NCOA7: variants seen among roughly 807,000 people sequenced by gnomAD.
The protein encoded by NCOA7 is nuclear receptor coactivator 7.
NCOA7 carries 45 observed loss-of-function variants against 104.3 expected under a neutral mutation model. The observed-to-expected ratio is 0.43, with a 90% CI of 0.34 to 0.55. NCOA7 has a LOEUF of 0.55. Ranked by LOEUF, NCOA7 falls within the 20% of genes least tolerant of loss-of-function variation. The pLI is 0.02. For synonymous variants in NCOA7, 398 were observed against 402.3 expected, an observed-to-expected ratio of 0.99 and a Z score of 0.13; for missense variants, 1,041 against 1,119.7, an observed-to-expected ratio of 0.93 and a Z score of 1.00.
At chr6:125,848,538 A>G (rs1780829355) in intron 2 of NCOA7, among the ~76,000 whole-genome samples, 1 of 152,158 alleles carries the variant, frequency 6.6e-6, no homozygotes, top group Non-Finnish European at 1.5e-5. Context: ...TTCTCAGCAA[A>G]CTATCACAAG....
intron 2 of NCOA7, among the ~76,000 whole-genome samples, chr6:125,832,291 T>C (rs190996080): frequency 9.9e-4 from 151 of 152,324 alleles, no homozygotes; most frequent in African/African-American, 3.5e-3. Context: ...GTGATGGCTA[T>C]AATAATTTTT....
At chr6:125,883,713 C>CTTTTTTTTTT (rs35489978) in intron 7 of NCOA7, among the ~76,000 whole-genome samples, 2 of 85,932 alleles carry the variant, frequency 2.3e-5, no homozygotes, top group Admixed American at 1.5e-4. Flanking sequence ...ACCTACACCT[C>CTTTTTTTTTT]TTTTTTTTTT....
chr6:125,853,570 G>C (rs1781304258), intron 2 of NCOA7, among the ~76,000 whole-genome samples: 1 of 152,070 alleles, frequency 6.6e-6, no homozygotes, highest in Non-Finnish European at 1.5e-5. Context: ...CTAAGAACCT[G>C]GCTGCTCAGT....
chr6:125,899,920 G>T, intron 10 of NCOA7: 1 of 522,328 alleles, frequency 1.9e-6, no homozygotes, highest in South Asian at 1.4e-5. Context: ...GCTTTCTGGT[G>T]GCGGAGCAAG....
At chr6:125,809,796 T>A (rs1451928932) in intron 1 of NCOA7, among the ~76,000 whole-genome samples, 1 of 152,094 alleles carries the variant, frequency 6.6e-6, no homozygotes, top group Non-Finnish European at 1.5e-5. Flanking sequence ...TTAAGAAACA[T>A]GTTGTTGGGA....
At position 125,914,241 on chromosome 6, in the gene NCOA7, G is replaced by C. The variant is rs11757529; in HGVS notation, c.2097-1092G>C. ...AGCATAGGAATACAGGCTAATTATG[G>C]TTTATTAACTTCATGAAATGTAGCT... is the stretch of plus-strand genomic sequence containing the variant. On this transcript the variant is annotated intron_variant, in intron 10 of 15. Transcript: ENST00000392477. 4.3e-3 allele frequency among the ~76,000 whole-genome samples: 648 copies of C among 152,324 alleles called. 1 individual carries two copies. The highest frequency in any genetic ancestry group is 7.8e-3 in the Non-Finnish European group (533 of 68,038).
intron 2 of NCOA7, among the ~76,000 whole-genome samples, chr6:125,846,365 T>A (rs199707838): frequency 0.088 from 2,905 of 33,036 alleles, 58 homozygotes; most frequent in East Asian, 0.32. Context: ...AAAAAAATTT[T>A]TTTTTTTTTT....
At chr6:125,813,457 TTTTTTTTTTTTTAGACGGAGTTTTGC>T (rs1777256918) in intron 1 of NCOA7, among the ~76,000 whole-genome samples, 1 of 151,848 alleles carries the variant, frequency 6.6e-6, no homozygotes, top group Non-Finnish European at 1.5e-5. Context: ...CAATTTTTTT[TTTTTTTTTTTTTAGACGGAGTTTTGC>T]TCTTGTTGCC....
At position 125,930,533 on chromosome 6, in the gene NCOA7, TA is replaced by T. The variant is rs1215811201; in HGVS notation, c.*1764del. ...GGTAATTTTTGAAAGGAAAAATGTA[TA>T]ACAAGTACTATTTACATATCTGCAT... is the stretch of plus-strand genomic sequence containing the variant. On this transcript the variant is annotated 3_prime_UTR_variant, in exon 16 of 16. Coordinates refer to ENST00000392477, the MANE Select transcript of NCOA7 (RefSeq NM_181782.5). 2.0e-5 allele frequency: 3 copies of T among 152,648 alleles called. No homozygotes were observed. The highest frequency in any genetic ancestry group is 4.4e-5 in the Non-Finnish European group (3 of 68,040). The allele number at this position is 152,648 out of a possible 1,614,324, so 9.5% of individuals were successfully genotyped here.
chr6:125,914,534 GT>G (rs2128688956), intron 10 of NCOA7, among the ~76,000 whole-genome samples: 1 of 152,200 alleles, frequency 6.6e-6, no homozygotes, highest in South Asian at 2.1e-4. Flanking sequence ...ATAAGTTAAC[GT>G]TATCCCAACA....
chr6:125,802,043 AT>A lies in NCOA7; in HGVS notation c.-65+10977del, dbSNP rs1419216204. Among the ~76,000 whole-genome samples the A allele has an allele frequency of 3.9e-5, 6 of 152,158 alleles. No homozygotes were observed. The East Asian group carries it at 1.2e-3, about 29-fold the overall frequency. On this transcript the variant is annotated intron_variant, in intron 1 of 15. Transcript: ENST00000392477. ...GCCATGCAAAGTGGTTATGGGGTAA[AT>A]GACAACTGGAAGAAAATGAAGCCTC...
intron 1 of NCOA7, among the ~76,000 whole-genome samples, chr6:125,813,862 GT>G (rs1031218450): frequency 8.6e-5 from 13 of 151,214 alleles, no homozygotes; most frequent in Non-Finnish European, 1.6e-4. Flanking sequence ...TTATATATAT[GT>G]TTTTTTAATG....
At chr6:125,799,325 C>T (rs1004003143) in intron 1 of NCOA7, among the ~76,000 whole-genome samples, 5 of 152,116 alleles carry the variant, frequency 3.3e-5, no homozygotes, top group Non-Finnish European at 7.3e-5. Flanking sequence ...CAGGTTTATA[C>T]TTAATTCCAT....
chr6:125,888,927 C>G lies in NCOA7; in HGVS notation c.885-12C>G. ...AACATTCCATGTGCACCCACCATTT[C>G]TCCCCCAACAGTGACCTACCTCAGG... On this transcript the variant is annotated splice_polypyrimidine_tract_variant and intron_variant, in intron 8 of 15. Coordinates refer to ENST00000392477, the MANE Select transcript of NCOA7 (RefSeq NM_181782.5). 1 of 1,560,804 alleles carries G rather than the reference C, an allele frequency of 6.4e-7. No individual in the cohort carries two copies. Among genetic ancestry groups the G allele is most frequent in the South Asian group, 1.2e-5 (1 of 82,660 alleles).
At chr6:125,799,471 G>A (rs192107170) in intron 1 of NCOA7, among the ~76,000 whole-genome samples, 1 of 144,282 alleles carries the variant, frequency 6.9e-6, no homozygotes, top group African/African-American at 2.6e-5. Flanking sequence ...ATAGAATCTC[G>A]CTCTGTCGCC....
chr6:125,850,908 C>T (rs1302346802), intron 2 of NCOA7, among the ~76,000 whole-genome samples: 4 of 152,002 alleles, frequency 2.6e-5, no homozygotes, highest in Admixed American at 1.3e-4. Context: ...TTGAGCCTCA[C>T]GCAGGACTTT....
chr6:125,898,815 A>G (rs1785256084), intron 10 of NCOA7, among the ~76,000 whole-genome samples: 1 of 152,154 alleles, frequency 6.6e-6, no homozygotes, highest in Non-Finnish European at 1.5e-5. Flanking sequence ...ATGAGCTTAT[A>G]ATCTAATAAA....
chr6:125,914,379 C>T (rs1424736990), intron 10 of NCOA7, among the ~76,000 whole-genome samples: 1 of 152,100 alleles, frequency 6.6e-6, no homozygotes, highest in African/African-American at 2.4e-5. Context: ...ACGATGTACA[C>T]TTGTGGACAA....
At chr6:125,832,573 A>G (rs1387956398) in intron 2 of NCOA7, among the ~76,000 whole-genome samples, 1 of 152,260 alleles carries the variant, frequency 6.6e-6, no homozygotes, top group Non-Finnish European at 1.5e-5. Context: ...AGAGGAAATG[A>G]GTCCATAAGG....
Sources: allele counts gnomAD v4.1 joint callset (sites outside exome capture counted in the v4.1 genomes callset), GRCh38; gene constraint gnomAD v4.1.1; transcripts MANE v1.5; gene names NCBI Gene and HGNC (gene_info 2026-07-23, HGNC 2026-07-21).